Variants in FAM78B observed in about 807,000 individuals in gnomAD.
FAM78B encodes the protein family with sequence similarity 78 member B.
A neutral mutation model predicts 20.0 loss-of-function variants in FAM78B; 10 were observed. That is an observed-to-expected ratio of 0.50 (90% CI 0.31 to 0.85). The LOEUF (loss-of-function observed/expected upper bound fraction) is 0.85. FAM78B is among the 40% of genes least tolerant of loss of function. The pLI, the probability that FAM78B is intolerant of heterozygous loss-of-function variation, is 0.05. For missense variants in FAM78B, 283 were observed against 345.0 expected (o/e 0.82, Z 1.42); for synonymous variants, 135 against 132.8 (o/e 1.02, Z -0.12).
At chr1:166,126,427 T>C (rs74118978) in intron 1 of FAM78B, among the ~76,000 whole-genome samples, 4,928 of 151,872 alleles carry the variant, frequency 0.032, 249 homozygotes, top group African/African-American at 0.11. Context: ...TAGGGAGAAA[T>C]AGTATGGATG....
At chr1:166,152,003 C>T (rs1466061752) in intron 1 of FAM78B, among the ~76,000 whole-genome samples, 2 of 152,196 alleles carry the variant, frequency 1.3e-5, no homozygotes, top group African/African-American at 4.8e-5. Context: ...GATTACGCAA[C>T]CCCACAGGTA....
chr1:166,141,808 G>A (rs1357560979), intron 1 of FAM78B, among the ~76,000 whole-genome samples: 4 of 152,228 alleles, frequency 2.6e-5, no homozygotes, highest in African/African-American at 9.6e-5. Context: ...AAAGCTGTAT[G>A]TGCCAAGAAC....
At chr1:166,103,199 A>T (rs2101748920) in intron 1 of FAM78B, among the ~76,000 whole-genome samples, 1 of 152,352 alleles carries the variant, frequency 6.6e-6, no homozygotes, top group Non-Finnish European at 1.5e-5. Flanking sequence ...GGACACATTT[A>T]AAGCAGTGTG....
At chr1:166,135,805 G>T (rs1283561591) in intron 1 of FAM78B, among the ~76,000 whole-genome samples, 1 of 152,270 alleles carries the variant, frequency 6.6e-6, no homozygotes, top group Middle Eastern at 3.4e-3. Context: ...ACTACGGAAG[G>T]GAGGTCTATG....
intron 1 of FAM78B, among the ~76,000 whole-genome samples, chr1:166,162,174 C>T (rs10494455): frequency 0.21 from 31,818 of 152,130 alleles, 3,906 homozygotes; most frequent in South Asian, 0.4. Flanking sequence ...AAATCACAGA[C>T]GAACTTAGCA....
chr1:166,113,750 G>A (rs1012754827), intron 1 of FAM78B, among the ~76,000 whole-genome samples: 1 of 152,168 alleles, frequency 6.6e-6, no homozygotes, highest in Non-Finnish European at 1.5e-5. Flanking sequence ...GCAATGAAAG[G>A]GTGTTTCCTG....
intron 1 of FAM78B, among the ~76,000 whole-genome samples, chr1:166,123,900 T>C (rs1232610472): frequency 6.6e-6 from 1 of 152,190 alleles, no homozygotes; most frequent in Non-Finnish European, 1.5e-5. Context: ...CATCGCTTGA[T>C]AATTATTGCG....
intron 1 of FAM78B, among the ~76,000 whole-genome samples, chr1:166,160,418 A>G (rs1656099437): frequency 6.6e-6 from 1 of 152,248 alleles, no homozygotes. Context: ...GTGATACGAG[A>G]GCAAGGCTTC....
At chr1:166,124,934 G>C (rs992960411) in intron 1 of FAM78B, among the ~76,000 whole-genome samples, 3 of 152,068 alleles carry the variant, frequency 2.0e-5, no homozygotes, top group Non-Finnish European at 1.5e-5. Flanking sequence ...AAGCTGGTCA[G>C]TACCCTACAC....
At chr1:166,139,638 G>A (rs1186854477) in intron 1 of FAM78B, among the ~76,000 whole-genome samples, 2 of 152,146 alleles carry the variant, frequency 1.3e-5, no homozygotes, top group African/African-American at 4.8e-5. Flanking sequence ...ACACGCATCT[G>A]GGATGGGTTT....
chr1:166,093,473 A>T (rs1031162407), intron 1 of FAM78B, among the ~76,000 whole-genome samples: 3 of 152,120 alleles, frequency 2.0e-5, no homozygotes, highest in Admixed American at 1.3e-4. Flanking sequence ...GACAGAAGAG[A>T]AGAAACAGAA....
intron 1 of FAM78B, among the ~76,000 whole-genome samples, chr1:166,147,094 G>A (rs188187934): frequency 1.3e-5 from 2 of 152,292 alleles, no homozygotes; most frequent in Admixed American, 6.5e-5. Flanking sequence ...GAGATAATCC[G>A]AAAGAGCCTT....
At chr1:166,148,809 A>G (rs964124260) in intron 1 of FAM78B, among the ~76,000 whole-genome samples, 6 of 152,274 alleles carry the variant, frequency 3.9e-5, no homozygotes, top group African/African-American at 7.2e-5. Context: ...ATCCCACCAC[A>G]GAGTGGGTTC....
At chr1:166,110,589 A>G (rs1352006700) in intron 1 of FAM78B, among the ~76,000 whole-genome samples, 7 of 152,210 alleles carry the variant, frequency 4.6e-5, no homozygotes, top group African/African-American at 1.4e-4. Context: ...TCACAGAAAC[A>G]GTGACTATAT....
At chr1:166,164,157 C>T (rs1036868978) in intron 1 of FAM78B, among the ~76,000 whole-genome samples, 2 of 152,218 alleles carry the variant, frequency 1.3e-5, no homozygotes, top group East Asian at 3.8e-4. Flanking sequence ...AGATTTGAGG[C>T]AACAGAGAGT....
intron 1 of FAM78B, among the ~76,000 whole-genome samples, chr1:166,152,655 G>GATTTATTT (rs59226484): frequency 0.015 from 2,098 of 140,550 alleles, 34 homozygotes; most frequent in African/African-American, 0.036. Flanking sequence ...TGGTACTCTG[G>GATTTATTT]ATTTATTTAT....
chr1:166,078,595 T>C (rs1278452884), intron 1 of FAM78B, among the ~76,000 whole-genome samples: 1 of 152,192 alleles, frequency 6.6e-6, no homozygotes, highest in African/African-American at 2.4e-5. Context: ...AGGTCAAGAC[T>C]CCACTCAGAC....
Position 166,109,822 on chromosome 1 carries a change from A to G in FAM78B, c.264-39059T>C, listed in dbSNP as rs577655548. Among the ~76,000 whole-genome samples the G allele has an allele frequency of 7.9e-3, 147 of 18,710 alleles. 5 individuals are homozygous for G. The highest frequency in any genetic ancestry group is 0.027 in the African/African-American group (134 of 5,030). 12.3% of individuals were successfully genotyped at this position (18,710 alleles called of 152,430 possible). On this transcript the variant is annotated intron_variant, in intron 1 of 1. Transcript: ENST00000354422. ...GATATATATGTATATATGTATATATATATATATATGTATATATGTATATAT... is the reference window on the plus strand; with the variant it reads ...GATATATATGTATATATGTATATATGTATATATATGTATATATGTATATAT...
chr1:166,115,565 G>A (rs563257905), intron 1 of FAM78B, among the ~76,000 whole-genome samples: 1 of 152,334 alleles, frequency 6.6e-6, no homozygotes, highest in African/African-American at 2.4e-5. Context: ...CAGCATCTGT[G>A]TGCCGGGGAT....
Sources: allele counts gnomAD v4.1 joint callset (sites outside exome capture counted in the v4.1 genomes callset), GRCh38; gene constraint gnomAD v4.1.1; transcripts MANE v1.5; gene names NCBI Gene and HGNC (gene_info 2026-07-23, HGNC 2026-07-21).